Variants in RORA observed in about 807,000 individuals in gnomAD.
RORA encodes RAR related orphan receptor A.
Under a neutral mutation model 69.5 loss-of-function variants are expected in RORA, and 7 were observed. The observed-to-expected ratio is 0.10, with a 90% CI of 0.06 to 0.19. RORA has a LOEUF of 0.19. RORA is among the 10% of genes least tolerant of loss of function. The pLI is 1.00. For synonymous variants in RORA, 261 were observed against 240.8 expected, an observed-to-expected ratio of 1.08 and a Z score of -0.78; for missense variants, 457 against 663.0, an observed-to-expected ratio of 0.69 and a Z score of 3.41.
intron 3 of RORA, among the ~76,000 whole-genome samples, chr15:60,519,653 A>G (rs1335569396): frequency 2.0e-5 from 3 of 152,206 alleles, no homozygotes; most frequent in African/African-American, 7.2e-5. Flanking sequence ...TAGCTGACCC[A>G]GCTTCCTACC....
rs1029629985 is a variant in RORA at position 60,592,714 on chromosome 15, G to C, written c.197-60863C>G. ...CGCCCCCGCGGGCAGGTGAGTAGCAGCGGCGGCTCTGCTGGCCCACCCCGG... is the reference window on the plus strand; with the variant it reads ...CGCCCCCGCGGGCAGGTGAGTAGCACCGGCGGCTCTGCTGGCCCACCCCGG... On this transcript the variant is annotated intron_variant, in intron 2 of 10. Coordinates refer to ENST00000335670, the MANE Select transcript of RORA (RefSeq NM_134261.3). The C allele has an allele frequency of 2.8e-6, 3 of 1,053,604 alleles. No homozygotes were observed. The African/African-American group carries it at 5.2e-5, about 18-fold the overall frequency. The allele number at this position is 1,053,604 out of a possible 1,614,324, so 65.3% of individuals were successfully genotyped here. A position where few individuals can be genotyped will look rare whatever the true frequency, so the allele number is the denominator to read the frequency against.
intron 1 of RORA, among the ~76,000 whole-genome samples, chr15:60,769,354 T>A (rs1232659774): frequency 1.3e-5 from 2 of 152,148 alleles, no homozygotes; most frequent in Non-Finnish European, 2.9e-5. Context: ...CAGGGTTAGG[T>A]GCTCTTACAT....
chr15:60,518,892 G>A (rs1473653907), intron 3 of RORA, among the ~76,000 whole-genome samples: 5 of 152,234 alleles, frequency 3.3e-5, no homozygotes, highest in Middle Eastern at 3.4e-3. Flanking sequence ...CTTAATCGTC[G>A]TTTTGCTTTC....
intron 1 of RORA, among the ~76,000 whole-genome samples, chr15:61,113,194 A>T (rs1566994879): frequency 6.6e-6 from 1 of 152,250 alleles, no homozygotes; most frequent in Non-Finnish European, 1.5e-5. Context: ...ATCTAACCTT[A>T]CAAGGTAAGT....
At chr15:61,029,462 G>A (rs1021702590) in intron 1 of RORA, among the ~76,000 whole-genome samples, 2 of 152,156 alleles carry the variant, frequency 1.3e-5, no homozygotes, top group African/African-American at 4.8e-5. Context: ...GAGGTGGAGG[G>A]AAGAGGAAAG....
chr15:61,040,257 A>G (rs1015358487), intron 1 of RORA, among the ~76,000 whole-genome samples: 3 of 150,148 alleles, frequency 2.0e-5, no homozygotes, highest in Non-Finnish European at 3.0e-5. Flanking sequence ...ACACTAATAC[A>G]TCCCATCAGA....
At chr15:60,843,152 G>C (rs760698259) in intron 1 of RORA, among the ~76,000 whole-genome samples, 4 of 152,134 alleles carry the variant, frequency 2.6e-5, no homozygotes, top group Admixed American at 6.5e-5. Context: ...ATGGAAGAAG[G>C]AACAACCTCG....
At chr15:60,592,466 G>C (rs2068557106) in intron 2 of RORA, 3 of 1,379,154 alleles carry the variant, frequency 2.2e-6, no homozygotes, top group South Asian at 1.7e-5. Context: ...TCCGACCCCG[G>C]AGCCCCCTCT....
chr15:60,859,792 A>T (rs938037993), intron 1 of RORA, among the ~76,000 whole-genome samples: 4 of 151,606 alleles, frequency 2.6e-5, no homozygotes, highest in African/African-American at 9.7e-5. Context: ...ATACTTAATC[A>T]ATATTTGTGG....
At chr15:60,725,703 G>T (rs1253908722) in intron 1 of RORA, among the ~76,000 whole-genome samples, 1 of 152,088 alleles carries the variant, frequency 6.6e-6, no homozygotes, top group African/African-American at 2.4e-5. Flanking sequence ...GAAATTTCTT[G>T]ACAAGAGATC....
intron 2 of RORA, among the ~76,000 whole-genome samples, chr15:60,607,772 A>G (rs1015152501): frequency 5.9e-5 from 9 of 152,158 alleles, no homozygotes; most frequent in Admixed American, 3.3e-4. Context: ...ATTTGTTGCA[A>G]TTGCTATTTA....
At chr15:60,639,706 G>A (rs760634634) in intron 2 of RORA, among the ~76,000 whole-genome samples, 1 of 152,202 alleles carries the variant, frequency 6.6e-6, no homozygotes, top group Non-Finnish European at 1.5e-5. Context: ...CTCAGGAGGG[G>A]AGGCGGGCTC....
intron 1 of RORA, among the ~76,000 whole-genome samples, chr15:61,075,101 A>C (rs982495078): frequency 2.0e-5 from 3 of 151,916 alleles, no homozygotes; most frequent in African/African-American, 7.3e-5. Flanking sequence ...AAAAAAAAAA[A>C]AGTTTCCAGA....
chr15:60,970,367 C>T (rs1159763486), intron 1 of RORA, among the ~76,000 whole-genome samples: 1 of 152,228 alleles, frequency 6.6e-6, no homozygotes, highest in African/African-American at 2.4e-5. Flanking sequence ...CCTGTACATT[C>T]CCACTTCTCT....
rs147298428 is a variant in RORA, at chr15:60,617,627, T to TAC, written c.196+61028_196+61029dup. On this transcript the variant is annotated intron_variant, in intron 2 of 10. Coordinates refer to ENST00000335670, the MANE Select transcript of RORA (RefSeq NM_134261.3). ...GAAGGAAGAAAGAGTAAAGAAAAAA[T>TAC]ACACACACACACGCACATACACACA... is the stretch of plus-strand genomic sequence containing the variant. Among the ~76,000 whole-genome samples the TAC allele has an allele frequency of 1.3e-3, 164 of 125,384 alleles. 1 individual carries two copies. The highest frequency in any genetic ancestry group is 4.0e-3 in the African/African-American group (141 of 35,006). 82.3% of individuals were successfully genotyped at this position (125,384 alleles called of 152,430 possible).
intron 1 of RORA, among the ~76,000 whole-genome samples, chr15:60,853,267 G>A (rs944230779): frequency 6.6e-6 from 1 of 152,176 alleles, no homozygotes; most frequent in African/African-American, 2.4e-5. Flanking sequence ...AGCCGCAAAG[G>A]TCAGGGGGGC....
intron 1 of RORA, among the ~76,000 whole-genome samples, chr15:60,856,885 A>G (rs2073385967): frequency 6.6e-6 from 1 of 152,202 alleles, no homozygotes; most frequent in Admixed American, 6.5e-5. Flanking sequence ...CTCAGAAGAG[A>G]GATTCACCAA....
At chr15:60,867,310 C>T (rs990714446) in intron 1 of RORA, among the ~76,000 whole-genome samples, 1 of 152,132 alleles carries the variant, frequency 6.6e-6, no homozygotes, top group Non-Finnish European at 1.5e-5. Context: ...TCACAGGTGA[C>T]AACATGTAGA....
intron 1 of RORA, among the ~76,000 whole-genome samples, chr15:61,188,941 A>G (rs941919284): frequency 6.6e-6 from 1 of 152,226 alleles, no homozygotes; most frequent in Non-Finnish European, 1.5e-5. Context: ...TAATATTGCA[A>G]GTACTCACCG....
Sources: gnomAD v4.1 joint callset for allele counts (sites outside exome capture counted in the v4.1 genomes callset) on GRCh38, gnomAD v4.1.1 for gene constraint, MANE v1.5 for transcripts, NCBI Gene and HGNC (gene_info 2026-07-23, HGNC 2026-07-21) for gene names.